Variants in CACNA1B observed in about 807,000 individuals in gnomAD.
The protein encoded by CACNA1B is voltage-dependent N-type calcium channel subunit alpha-1B.
A neutral mutation model predicts 247.2 loss-of-function variants in CACNA1B; 70 were observed. The observed-to-expected ratio is 0.28, with a 90% CI of 0.23 to 0.35. CACNA1B has a LOEUF of 0.35. Among genes scored for constraint, CACNA1B ranks in the 10% least tolerant of loss-of-function variants. The pLI is 1.00. For synonymous variants in CACNA1B, 1,231 were observed against 1,294.4 expected, an observed-to-expected ratio of 0.95 and a Z score of 1.05; for missense variants, 2,367 against 3,197.4, an observed-to-expected ratio of 0.74 and a Z score of 6.26.
At chr9:137,905,233 G>A (rs1027964690) in intron 3 of CACNA1B, among the ~76,000 whole-genome samples, 2 of 151,838 alleles carry the variant, frequency 1.3e-5, no homozygotes, top group African/African-American at 2.4e-5. Flanking sequence ...CGTGCCTGTA[G>A]TCCCAGCTAC....
intron 6 of CACNA1B, among the ~76,000 whole-genome samples, chr9:137,921,859 T>C (rs13299026): frequency 0.067 from 3,211 of 48,150 alleles, 10 homozygotes; most frequent in Middle Eastern, 0.14. Context: ...GTAAAGTGTT[T>C]GGAGAACATG....
chr9:137,922,783 GT>G (rs1475233720), intron 6 of CACNA1B, among the ~76,000 whole-genome samples: 1 of 152,114 alleles, frequency 6.6e-6, no homozygotes, highest in African/African-American at 2.4e-5. Context: ...TCTCCCAGTG[GT>G]GACAACCTGC....
chr9:138,053,464 T>C (rs1336749999), intron 25 of CACNA1B, among the ~76,000 whole-genome samples: 1 of 152,138 alleles, frequency 6.6e-6, no homozygotes, highest in Non-Finnish European at 1.5e-5. Flanking sequence ...TGGGCCTCAG[T>C]GGTCCTCAGG....
At chr9:138,017,301 T>C (rs561097958) in intron 18 of CACNA1B, 1 of 469,856 alleles carries the variant, frequency 2.1e-6, no homozygotes, top group Admixed American at 2.3e-5. Flanking sequence ...CGCAAGTCAT[T>C]TGCTTCATGG....
rs1959339125 is a variant in CACNA1B, at chr9:138,052,734, GGGA to G, written c.3807+547_3807+549del. Among the ~76,000 whole-genome samples the G allele has an allele frequency of 6.6e-6, 1 of 152,212 alleles. No homozygotes were observed. The highest frequency in any genetic ancestry group is 2.1e-4 in the South Asian group (1 of 4,834). On this transcript the variant is annotated intron_variant, in intron 25 of 46. Coordinates refer to ENST00000371372, the MANE Select transcript of CACNA1B (RefSeq NM_000718.4). The surrounding 1 kb of genome is among the most constrained non-coding windows in gnomAD (Gnocchi z 5.1). ...CAAGCCATTGAGACCTGAGGCAATG[GGGA>G]CTTAGAGAAGAAAGTTTGTTTAGAA...
chr9:138,049,971 C>A, intron 24 of CACNA1B: 2 of 755,650 alleles, frequency 2.6e-6, no homozygotes, highest in Non-Finnish European at 4.0e-6. Context: ...CCCTAGTGGA[C>A]GACAGACATG....
chr9:138,108,360 A>C (rs2131357732), intron 39 of CACNA1B, among the ~76,000 whole-genome samples: 1 of 151,684 alleles, frequency 6.6e-6, no homozygotes, highest in South Asian at 2.1e-4. Flanking sequence ...ATATATATTA[A>C]ATAAATTAAG....
intron 26 of CACNA1B, among the ~76,000 whole-genome samples, chr9:138,056,933 G>GTTTTTTT (rs138277172): frequency 7.9e-5 from 9 of 113,466 alleles, no homozygotes; most frequent in African/African-American, 1.2e-4. Context: ...TTTTATTTGG[G>GTTTTTTT]TTTTTTTTTT....
chr9:138,020,467 C>A lies in CACNA1B; in HGVS notation c.2268-2544C>A, dbSNP rs1303457066. 6.6e-6 allele frequency among the ~76,000 whole-genome samples: 1 copy of A among 152,178 alleles called. No individual in the cohort carries two copies. Among genetic ancestry groups the A allele is most frequent in the Non-Finnish European group, 1.5e-5 (1 of 68,032 alleles). On this transcript the variant is annotated intron_variant, in intron 18 of 46. Transcript: ENST00000371372. The surrounding 1 kb of genome is among the most constrained non-coding windows in gnomAD (Gnocchi z 4.1). ...GATAGAGCAAGGACAGAGACAGGGGCCAGGGGAGGTGCAGGCTGACTTAAG... is the reference window on the plus strand; with the variant it reads ...GATAGAGCAAGGACAGAGACAGGGGACAGGGGAGGTGCAGGCTGACTTAAG...
At chr9:137,995,623 A>C (rs1351776655) in intron 15 of CACNA1B, among the ~76,000 whole-genome samples, 1 of 152,150 alleles carries the variant, frequency 6.6e-6, no homozygotes, top group Non-Finnish European at 1.5e-5. Flanking sequence ...TTGGCTAGGC[A>C]AAGACTTCTT....
intron 37 of CACNA1B, among the ~76,000 whole-genome samples, chr9:138,101,977 C>T (rs1187202266): frequency 6.6e-6 from 1 of 152,160 alleles, no homozygotes; most frequent in African/African-American, 2.4e-5. Flanking sequence ...GCTGTCAGAG[C>T]TGGTGCAAGG....
intron 6 of CACNA1B, among the ~76,000 whole-genome samples, chr9:137,930,949 T>C (rs1957600895): frequency 6.6e-6 from 1 of 152,166 alleles, no homozygotes; most frequent in Non-Finnish European, 1.5e-5. Flanking sequence ...TTTTTTTATA[T>C]TTTTACATTT....
At chr9:138,022,891 G>A (rs1458465513) in intron 18 of CACNA1B, 120 bp from the exon 19 acceptor site, 1 of 1,298,596 alleles carries the variant, frequency 7.7e-7, no homozygotes, top group East Asian at 3.1e-5. Flanking sequence ...GGGGGCTCCC[G>A]CGGCCACGCC....
In CACNA1B at chr9:137,957,663, C is replaced by T. The variant is rs761233759; in HGVS notation, c.1309C>T (p.Arg437Trp). The part of the protein sequence containing the change: ...DLIHAEEGED[R>W]FADLCAVGSP... ...GATCCACGCAGAGGAGGGAGAGGAC[C>T]GGTTTGCAGATCTCTGTGCTGTTGG... The change falls in exon 10 of 47, where the codon CGG (arginine) becomes TGG (tryptophan). Residue 437 changes from arginine (R) to tryptophan (W), a missense_variant. By Grantham distance (101) the Arg-to-Trp change is moderately radical (BLOSUM62 -3). Transcript: ENST00000371372. The surrounding 1 kb of genome is among the most constrained non-coding windows in gnomAD (Gnocchi z 4.7). 1.2e-5 allele frequency: 19 copies of T among 1,600,972 alleles called. No individual in the cohort carries two copies. Among genetic ancestry groups the T allele is most frequent in the South Asian group, 2.3e-5 (2 of 87,964 alleles).
chr9:137,989,257 T>A (rs1958403276), intron 15 of CACNA1B, among the ~76,000 whole-genome samples: 1 of 152,078 alleles, frequency 6.6e-6, no homozygotes, highest in South Asian at 2.1e-4. Flanking sequence ...AGAAATGAAA[T>A]ATACAGCTAT....
In CACNA1B at chr9:137,913,115, A is replaced by G. The variant is rs1217127627; in HGVS notation, c.531-65A>G. On this transcript the variant is annotated intron_variant, in intron 3 of 46. Coordinates refer to ENST00000371372, the MANE Select transcript of CACNA1B (RefSeq NM_000718.4). The surrounding 1 kb of genome is among the most constrained non-coding windows in gnomAD (Gnocchi z 5.2). ...GAGACATGACCCTGGTGGTGGGAGG[A>G]GTGTGTCCTCTTCCAGGCTCAATGT... 1.1e-5 allele frequency: 14 copies of G among 1,239,090 alleles called. No homozygotes were observed. The highest frequency in any genetic ancestry group is 1.9e-4 in the Middle Eastern group (1 of 5,396). 76.8% of individuals were successfully genotyped at this position (1,239,090 alleles called of 1,614,324 possible).
chr9:138,117,272 C>T lies in CACNA1B; in HGVS notation c.5778-674C>T, dbSNP rs188408151. On this transcript the variant is annotated intron_variant, in intron 42 of 46. Coordinates refer to ENST00000371372, the MANE Select transcript of CACNA1B (RefSeq NM_000718.4). Reference sequence around the variant, plus strand: ...AGCAGAGAGCCGAGGGATGGAAGGGCTCATTGTGGCTTGGGGGGGGGGTCA... The same window carrying T: ...AGCAGAGAGCCGAGGGATGGAAGGGTTCATTGTGGCTTGGGGGGGGGGTCA... 6.4e-3 allele frequency among the ~76,000 whole-genome samples: 507 copies of T among 79,450 alleles called. 4 individuals are homozygous for T. Among genetic ancestry groups the T allele is most frequent in the African/African-American group, 0.026 (480 of 18,244 alleles). 52.1% of individuals were successfully genotyped at this position (79,450 alleles called of 152,430 possible). A position where few individuals can be genotyped will look rare whatever the true frequency, so the allele number is the denominator to read the frequency against.
rs776871039 is a variant in CACNA1B, at chr9:138,121,933, G to A, written c.6954G>A (p.Leu2318=). ...RRVPNGYHCT[L]GLSSGGRARH... ...TGCCCAACGGTTACCACTGCACCCT[G>A]GGACTCAGCTCGGGTGGCCGAGCAC... is the stretch of plus-strand genomic sequence containing the variant. The change falls in exon 47 of 47, where the codon CTG becomes CTA. Residue 2318 remains leucine, a synonymous_variant. Coordinates refer to ENST00000371372, the MANE Select transcript of CACNA1B (RefSeq NM_000718.4). The surrounding 1 kb of genome is among the most constrained non-coding windows in gnomAD (Gnocchi z 6.8). The A allele has an allele frequency of 6.2e-7, 1 of 1,609,022 alleles. No homozygotes were observed. Among genetic ancestry groups the A allele is most frequent in the East Asian group, 2.2e-5 (1 of 44,874 alleles).
chr9:137,892,387 A>T, intron 3 of CACNA1B: 1 of 456,182 alleles, frequency 2.2e-6, no homozygotes, highest in Non-Finnish European at 4.4e-6. Context: ...GGCGGGATGC[A>T]GGGCCAGGCC....
Sources: allele counts gnomAD v4.1 joint callset (sites outside exome capture counted in the v4.1 genomes callset), GRCh38; gene constraint gnomAD v4.1.1; non-coding constraint Gnocchi (gnomAD v3.1); transcripts MANE v1.5; gene names NCBI Gene and HGNC (gene_info 2026-07-23, HGNC 2026-07-21).